The following GK5 variants were observed in gnomAD, a reference collection of about 807,000 sequenced individuals.
GK5 encodes the protein ATP:glycerol 3-phosphotransferase 5.
GK5 carries 39 observed loss-of-function variants against 77.3 expected under a neutral mutation model. That is an observed-to-expected ratio of 0.50 (90% CI 0.39 to 0.66). The LOEUF is 0.66. Ranked by LOEUF, GK5 falls within the 30% of genes least tolerant of loss-of-function variation. The probability of loss-of-function intolerance (pLI) is 0.00; values close to 1 mark genes in which losing one functional copy is unlikely to be tolerated. For synonymous variants in GK5, 211 were observed against 208.0 expected (o/e 1.01, Z -0.13); for missense variants, 487 against 633.8 (o/e 0.77, Z 2.49).
Position 142,165,707 on chromosome 3 carries a change from T to C in GK5, c.1505A>G (p.Gln502Arg), listed in dbSNP as rs1384515063. The change falls in exon 16 of 16, where the codon CAG becomes CGG. Residue 502 changes from glutamine to arginine, a missense_variant. This residue lies in a region of GK5 where 65 missense variants were observed against 89.9 expected (regional missense o/e 0.72). Coordinates refer to ENST00000392993, the MANE Select transcript of GK5 (RefSeq NM_001039547.3). The part of the protein sequence containing the change: ...LRQSEVVFKP[Q>R]KKCQEYEMSL... The stretch of plus-strand genomic sequence containing the variant: ...CATTTCATATTCTTGACATTTCTTC[T>C]GTGGCTTGAAAACCACTTCACTTTG... 1.9e-6 allele frequency: 3 copies of C among 1,613,226 alleles called. No homozygotes were observed. The highest frequency in any genetic ancestry group is 2.5e-6 in the Non-Finnish European group (3 of 1,179,422).
In GK5 at chr3:142,215,647, C is replaced by T; in HGVS notation, c.193G>A (p.Asp65Asn). Residue 65 changes from aspartate (D) to asparagine (N), a missense_variant, in exon 2 of 16, where the codon GAT becomes AAT. Physicochemically the swap from Asp to Asn is conservative, Grantham distance 23 (BLOSUM62 1). Around this residue, in one of 4 missense-constraint regions of GK5, gnomAD observed 97 missense variants for 86.9 expected, o/e 1.12. Transcript: ENST00000392993. ...PQIGWVEIDPDVLWIQFVAVI... is the reference protein window; with the variant it reads ...PQIGWVEIDPNVLWIQFVAVI... Reference sequence around the variant, plus strand: ...GCAACAAATTGAATCCAAAGAACATCAGGATCAATTTCTACCCAGCCAATT... The same window carrying T: ...GCAACAAATTGAATCCAAAGAACATTAGGATCAATTTCTACCCAGCCAATT... The T allele has an allele frequency of 6.3e-7, 1 of 1,599,680 alleles. No individual in the cohort carries two copies. The highest frequency in any genetic ancestry group is 8.6e-7 in the Non-Finnish European group (1 of 1,169,124).
intron 1 of GK5, among the ~76,000 whole-genome samples, chr3:142,222,178 A>G (rs2064358077): frequency 6.6e-6 from 1 of 152,278 alleles, no homozygotes. Flanking sequence ...TAAACCAGGT[A>G]CTAAGCAGCA....
chr3:142,193,648 T>A (rs566188786), intron 5 of GK5, among the ~76,000 whole-genome samples: 18 of 152,312 alleles, frequency 1.2e-4, no homozygotes, highest in Non-Finnish European at 1.5e-4. Context: ...TATTCAACAA[T>A]GTTTTGTACT....
chr3:142,185,878 A>G (rs2107777545), intron 9 of GK5, 51 bp downstream of exon 9: 5 of 1,552,228 alleles, frequency 3.2e-6, no homozygotes, highest in Non-Finnish European at 4.4e-6. Flanking sequence ...ATTAATACAT[A>G]TTACTTTAGT....
At chr3:142,223,579 C>G (rs1342375845) in intron 1 of GK5, among the ~76,000 whole-genome samples, 1 of 152,258 alleles carries the variant, frequency 6.6e-6, no homozygotes, top group African/African-American at 2.4e-5. Flanking sequence ...TGGCACACGC[C>G]TATAATCCCA....
chr3:142,174,897 G>C (rs2108783200), intron 12 of GK5, among the ~76,000 whole-genome samples: 1 of 152,314 alleles, frequency 6.6e-6, no homozygotes, highest in East Asian at 1.9e-4. Flanking sequence ...GGATGCATAA[G>C]GTAGAGGAAG....
rs1435371824 is a variant in GK5, at chr3:142,165,487, C to G, written c.*135G>C. On this transcript the variant is annotated 3_prime_UTR_variant, in exon 16 of 16. Transcript: ENST00000392993. ...TTGTTCCGTTTTGTTTTTTTAAAAG[C>G]AATGCTTCTTAAGTTATGAAGCTTA... The G allele has an allele frequency of 1.6e-6, 1 of 606,870 alleles. No individual in the cohort carries two copies. The highest frequency in any genetic ancestry group is 3.3e-5 in the Admixed American group (1 of 30,528). The allele number at this position is 606,870 out of a possible 1,614,324, so 37.6% of individuals were successfully genotyped here.
intron 12 of GK5, among the ~76,000 whole-genome samples, chr3:142,176,725 C>CATG (rs36089520): frequency 0.5 from 71,739 of 142,728 alleles, 20,243 homozygotes; most frequent in African/African-American, 0.79. Flanking sequence ...AGTGCAGTGG[C>CATG]ATCTCGGCTC....
At chr3:142,213,970 G>C (rs950586158) in intron 2 of GK5, among the ~76,000 whole-genome samples, 22 of 152,162 alleles carry the variant, frequency 1.4e-4, no homozygotes, top group African/African-American at 5.3e-4. Context: ...TTATAGGTGT[G>C]CACCACCCTG....
At chr3:142,204,577 G>C in intron 4 of GK5, 118 bp downstream of exon 4, 1 of 749,522 alleles carries the variant, frequency 1.3e-6, no homozygotes, top group Non-Finnish European at 2.5e-6. Flanking sequence ...GGAATGGGGA[G>C]TGTGTGCGTA....
rs752648389 is a variant in GK5 at position 142,181,424 on chromosome 3, G to A, written c.1048+37C>T. The A allele has an allele frequency of 2.4e-6, 3 of 1,264,146 alleles. No homozygotes were observed. The African/African-American group carries it at 4.5e-5, about 19-fold the overall frequency. 78.3% of individuals were successfully genotyped at this position (1,264,146 alleles called of 1,614,324 possible). A position where few individuals can be genotyped will look rare whatever the true frequency, so the allele number is the denominator to read the frequency against. ...TCCTGTGGCATTCTTGAATTCTTTA[G>A]GTCTGGCTTGTGAAATCCATTTAAA... On this transcript the variant is annotated intron_variant, in intron 11 of 15. Coordinates refer to ENST00000392993, the MANE Select transcript of GK5 (RefSeq NM_001039547.3).
intron 5 of GK5, 95 bp from the exon 6 acceptor site, chr3:142,187,874 T>A (rs2063794129): frequency 1.2e-6 from 1 of 822,730 alleles, no homozygotes; most frequent in South Asian, 1.6e-5. Flanking sequence ...AACCCATTTT[T>A]ATAAAAATTA....
At chr3:142,201,622 T>C (rs2064025400) in intron 4 of GK5, among the ~76,000 whole-genome samples, 1 of 152,148 alleles carries the variant, frequency 6.6e-6, no homozygotes, top group Admixed American at 6.5e-5. Context: ...AAAAATTGTA[T>C]AGAACTTATA....
At chr3:142,167,657 A>T (rs2063488583) in intron 15 of GK5, among the ~76,000 whole-genome samples, 1 of 152,226 alleles carries the variant, frequency 6.6e-6, no homozygotes, top group Non-Finnish European at 1.5e-5. Context: ...AGAAGCAAAT[A>T]TCTGAAATTA....
rs1577111640 is a variant in GK5 at position 142,177,641 on chromosome 3, A to G, written c.1049-65T>C. On this transcript the variant is annotated intron_variant, in intron 11 of 15. Coordinates refer to ENST00000392993, the MANE Select transcript of GK5 (RefSeq NM_001039547.3). ...ATGAAGAGGTTAGAGAGGCACAAAC[A>G]GAATTATGTTACATGATAGTATTTA... 2.4e-5 allele frequency: 21 copies of G among 883,446 alleles called. 1 individual carries two copies. In the South Asian group the frequency reaches 3.0e-4, roughly 13 times the overall value. The allele number at this position is 883,446 out of a possible 1,614,324, so 54.7% of individuals were successfully genotyped here. A position where few individuals can be genotyped will look rare whatever the true frequency, so the allele number is the denominator to read the frequency against.
rs777209248 is a variant in GK5 at position 142,186,207 on chromosome 3, C to T, written c.742G>A (p.Val248Met). 6.3e-7 allele frequency: 1 copy of T among 1,590,232 alleles called. No homozygotes were observed. The highest frequency in any genetic ancestry group is 8.6e-7 in the Non-Finnish European group (1 of 1,158,484). Residue 248 changes from valine (V) to methionine (M), a missense_variant, in exon 8 of 16, where the codon GTG (valine) becomes ATG (methionine). Around this residue, in one of 4 missense-constraint regions of GK5, gnomAD observed 323 missense variants for 437.4 expected, o/e 0.74. Transcript: ENST00000392993. ...GTTTATTATTACCTTGTGTCCCTCA[C>T]AGGAGGTAGGAGAGAAAGTGGTATC... ...ISIPLSLLPP[V>M]RDTSHNFGSV...
At chr3:142,213,388 C>T (rs2064223454) in intron 3 of GK5, 138 bp downstream of exon 3, 2 of 622,504 alleles carry the variant, frequency 3.2e-6, no homozygotes, top group African/African-American at 3.6e-5. Flanking sequence ...AGCCAGAAAG[C>T]AGGCACATTT....
At position 142,165,187 on chromosome 3, in the gene GK5, A is replaced by G. The variant is rs2063460139; in HGVS notation, c.*435T>C. 1 of 153,520 alleles carries G rather than the reference A, an allele frequency of 6.5e-6. No individual in the cohort carries two copies. Among genetic ancestry groups the G allele is most frequent in the South Asian group, 2.1e-4 (1 of 4,832 alleles). The allele number at this position is 153,520 out of a possible 1,614,324, so 9.5% of individuals were successfully genotyped here. A position where few individuals can be genotyped will look rare whatever the true frequency, so the allele number is the denominator to read the frequency against. On this transcript the variant is annotated 3_prime_UTR_variant, in exon 16 of 16. Transcript: ENST00000392993. ...TTATTCTTTCTTTTTAGCTATATGT[A>G]CTTCAAATAGCCCACTTAAAGAATT...
intron 5 of GK5, among the ~76,000 whole-genome samples, chr3:142,196,073 G>T (rs986725688): frequency 2.0e-5 from 3 of 151,986 alleles, no homozygotes; most frequent in Admixed American, 2.0e-4. Context: ...TGTATTTCTA[G>T]GAAATTTTTC....
Sources: gnomAD v4.1 joint callset for allele counts (sites outside exome capture counted in the v4.1 genomes callset) on GRCh38, gnomAD v4.1.1 for gene constraint, gnomAD v4.1.1 regional missense constraint, MANE v1.5 for transcripts, NCBI Gene and HGNC (gene_info 2026-07-23, HGNC 2026-07-21) for gene names.